Variants in DMBX1 observed in about 807,000 individuals in gnomAD.
DMBX1 encodes diencephalon/mesencephalon homeobox 1.
In DMBX1, 7 loss-of-function variants were observed where a neutral mutation model predicts 30.4. That is an observed-to-expected ratio of 0.23 (90% CI 0.13 to 0.43). DMBX1 has a LOEUF of 0.43. DMBX1 is among the 20% of genes least tolerant of loss of function. The pLI, the probability that DMBX1 is intolerant of heterozygous loss-of-function variation, is 1.00. For synonymous variants in DMBX1, 222 were observed against 214.2 expected, an observed-to-expected ratio of 1.04 and a Z score of -0.32; for missense variants, 460 against 508.5, an observed-to-expected ratio of 0.90 and a Z score of 0.92.
intron 1 of DMBX1, among the ~76,000 whole-genome samples, 145 bp downstream of exon 1, chr1:46,490,022 GCAGGGAGCCAGGGACTAGGAGA>G (rs1665900633): frequency 6.6e-6 from 1 of 152,216 alleles, no homozygotes; most frequent in Admixed American, 6.5e-5. Flanking sequence ...CAGAAAGTTT[GCAGGGAGCCAGGGACTAGGAGA>G]CAGACAGACA....
intron 1 of DMBX1, among the ~76,000 whole-genome samples, chr1:46,490,177 T>G (rs1289560456): frequency 6.6e-6 from 1 of 151,644 alleles, no homozygotes; most frequent in Non-Finnish European, 1.5e-5. Context: ...AGTGAGCAAC[T>G]TAGGGAGACA....
chr1:46,510,967 G>T lies in DMBX1; in HGVS notation c.366G>T (p.Arg122=), dbSNP rs1666354936. ...TCAAGAACCGCCGGGCCAAGTTCCG[G>T]AAGAAGCAGCGTAGCCTGCAGAAGG... ...VWFKNRRAKF[R]KKQRSLQKEQ... Residue 122 remains arginine (R), a synonymous_variant, in exon 5 of 6, where the codon CGG becomes CGT. Coordinates refer to ENST00000360032, the MANE Select transcript of DMBX1 (RefSeq NM_172225.2). This position sits in a 1 kb window ranked among gnomAD's most constrained non-coding sequence, Gnocchi z 4.1. 2 of 1,610,188 alleles carry T rather than the reference G, an allele frequency of 1.2e-6. No individual in the cohort carries two copies. Among genetic ancestry groups the T allele is most frequent in the African/African-American group, 2.7e-5 (2 of 74,816 alleles).
rs1019422287 is a variant in DMBX1, at chr1:46,515,803, G to T, written c.*3309G>T. The stretch of plus-strand genomic sequence containing the variant: ...GGCCAACCTGGGCCTGAAAGCCAGA[G>T]GCTCAAGCTCTGACTGTCCCTTCCA... On this transcript the variant is annotated 3_prime_UTR_variant, in exon 6 of 6. Coordinates refer to ENST00000360032, the MANE Select transcript of DMBX1 (RefSeq NM_172225.2). 1.3e-5 allele frequency among the ~76,000 whole-genome samples: 2 copies of T among 152,256 alleles called. No individual in the cohort carries two copies. Among genetic ancestry groups the T allele is most frequent in the Non-Finnish European group, 2.9e-5 (2 of 68,040 alleles).
Position 46,502,820 on chromosome 1 carries a change from C to T in DMBX1, c.-12-4179C>T, listed in dbSNP as rs904157227. The stretch of plus-strand genomic sequence containing the variant: ...GCCTGAGCCCCAGAGATTGAGGCTA[C>T]GGTGAGTCAAGATTGCACCACTGCA... On this transcript the variant is annotated intron_variant, in intron 2 of 5. Transcript: ENST00000360032. 3.9e-5 allele frequency among the ~76,000 whole-genome samples: 6 copies of T among 152,250 alleles called. No homozygotes were observed. The South Asian group carries it at 6.2e-4, about 16-fold the overall frequency.
intron 2 of DMBX1, among the ~76,000 whole-genome samples, chr1:46,494,344 C>T (rs1189294285): frequency 6.6e-6 from 1 of 152,212 alleles, no homozygotes; most frequent in Non-Finnish European, 1.5e-5. Flanking sequence ...CGCCTGATTT[C>T]TCTGCACCCC....
At position 46,511,591 on chromosome 1, in the gene DMBX1, G is replaced by A. The variant is rs143082777; in HGVS notation, c.682+308G>A. On this transcript the variant is annotated intron_variant, in intron 5 of 5. Transcript: ENST00000360032. ...TTGGATGTCCCAGTGCATACTGGGC[G>A]AATACTGTATTAGTACCAGAGATTC... 4.5e-4 allele frequency among the ~76,000 whole-genome samples: 68 copies of A among 152,292 alleles called. 1 individual carries two copies. The highest frequency in any genetic ancestry group is 1.4e-3 in the African/African-American group (57 of 41,554).
chr1:46,500,576 A>G (rs1666106610), intron 2 of DMBX1, among the ~76,000 whole-genome samples: 1 of 151,130 alleles, frequency 6.6e-6, no homozygotes, highest in Non-Finnish European at 1.5e-5. Flanking sequence ...AGAAAGAAAG[A>G]AATAATATAA....
chr1:46,489,907 C>T (rs1327784321), intron 1 of DMBX1, among the ~76,000 whole-genome samples, 30 bp downstream of exon 1: 1 of 151,918 alleles, frequency 6.6e-6, no homozygotes, highest in Non-Finnish European at 1.5e-5. Flanking sequence ...GCGGGCCGAG[C>T]CGGGAGTAGT....
rs1368109959 is a variant in DMBX1, at chr1:46,513,854, C to G, written c.*1360C>G. The G allele has an allele frequency of 6.6e-6, 1 of 152,288 alleles. No homozygotes were observed. Among genetic ancestry groups the G allele is most frequent in the East Asian group, 1.9e-4 (1 of 5,204 alleles). 9.4% of individuals were successfully genotyped at this position (152,288 alleles called of 1,614,324 possible). A position where few individuals can be genotyped will look rare whatever the true frequency, so the allele number is the denominator to read the frequency against. On this transcript the variant is annotated 3_prime_UTR_variant, in exon 6 of 6. Transcript: ENST00000360032. ...CAATTATGGAAGTAAGGGCTTCCCT[C>G]CAGCTAGTCACTGGAATGGAAAAGT...
chr1:46,494,633 T>A (rs896942867), intron 2 of DMBX1, among the ~76,000 whole-genome samples: 4 of 152,080 alleles, frequency 2.6e-5, no homozygotes, highest in Admixed American at 2.6e-4. Flanking sequence ...TGGGCCCCCA[T>A]CCCTGAGCCA....
rs755755483 is a variant in DMBX1, at chr1:46,515,909, G to T, written c.*3415G>T. Among the ~76,000 whole-genome samples, 14 of 152,172 alleles carry T rather than the reference G, an allele frequency of 9.2e-5. No homozygotes were observed. Among genetic ancestry groups the T allele is most frequent in the Non-Finnish European group, 1.6e-4 (11 of 68,030 alleles). ...CTCACTCCCTCAGAGCATGGTCCAG[G>T]GGCCCGGATCCCAACCCCAACTCCA... is the stretch of plus-strand genomic sequence containing the variant. On this transcript the variant is annotated 3_prime_UTR_variant, in exon 6 of 6. Transcript: ENST00000360032.
Position 46,510,699 on chromosome 1 carries a change from C to A in DMBX1, c.333+45C>A. 1 of 1,586,604 alleles carries A rather than the reference C, an allele frequency of 6.3e-7. No individual in the cohort carries two copies. Among genetic ancestry groups the A allele is most frequent in the South Asian group, 1.1e-5 (1 of 88,174 alleles). Reference sequence around the variant, plus strand: ...ACTAGGCCTTGCAGACAAACACCAGCCCATCAGTCTGCCCGCTTGTCCAGG... The same window carrying A: ...ACTAGGCCTTGCAGACAAACACCAGACCATCAGTCTGCCCGCTTGTCCAGG... On this transcript the variant is annotated intron_variant, in intron 4 of 5. Transcript: ENST00000360032. This position sits in a 1 kb window ranked among gnomAD's most constrained non-coding sequence, Gnocchi z 4.1.
At chr1:46,506,864 C>T (rs1666244789) in intron 2 of DMBX1, 135 bp from the exon 3 acceptor site, 4 of 956,638 alleles carry the variant, frequency 4.2e-6, no homozygotes, top group East Asian at 5.2e-5. Context: ...ACGGGCAAGA[C>T]AGGCTCCCTT....
At chr1:46,511,788 C>T (rs1353997094) in intron 5 of DMBX1, among the ~76,000 whole-genome samples, 1 of 152,080 alleles carries the variant, frequency 6.6e-6, no homozygotes, top group East Asian at 1.9e-4. Flanking sequence ...AAGTTTACAG[C>T]CCTTGAAAAG....
rs143983496 is a variant in DMBX1, at chr1:46,507,069, T to A, written c.59T>A (p.Met20Lys). 2.5e-6 allele frequency: 4 copies of A among 1,614,088 alleles called. No homozygotes were observed. The African/African-American group carries it at 4.0e-5, about 16-fold the overall frequency. The change falls in exon 3 of 6, where the codon ATG becomes AAG. Residue 20 changes from methionine (M) to lysine (K), a missense_variant. Physicochemically the swap from Met to Lys is moderately conservative, Grantham distance 95 (BLOSUM62 -1). Coordinates refer to ENST00000360032, the MANE Select transcript of DMBX1 (RefSeq NM_172225.2). The part of the protein sequence containing the change: ...SLHAMNSLSA[M>K]YNLHQQAAQQ... ...CACGCCATGAACTCACTCAGCGCCA[T>A]GTACAACCTGCACCAGCAGGCAGCC...
chr1:46,498,760 CACATGG>C (rs1319952126), intron 2 of DMBX1, among the ~76,000 whole-genome samples: 1 of 152,216 alleles, frequency 6.6e-6, no homozygotes, highest in Non-Finnish European at 1.5e-5. Flanking sequence ...CACATGGCCG[CACATGG>C]ACACTGAGGT....
intron 2 of DMBX1, among the ~76,000 whole-genome samples, chr1:46,497,305 A>C (rs1197393228): frequency 6.6e-6 from 1 of 152,180 alleles, no homozygotes; most frequent in Non-Finnish European, 1.5e-5. Flanking sequence ...AGAATGAGTG[A>C]AACAAGACTT....
In DMBX1 at chr1:46,510,669, T is replaced by C; in HGVS notation, c.333+15T>C. The C allele has an allele frequency of 1.2e-6, 2 of 1,610,584 alleles. No individual in the cohort carries two copies. Among genetic ancestry groups the C allele is most frequent in the Non-Finnish European group, 1.7e-6 (2 of 1,178,290 alleles). Reference sequence around the variant, plus strand: ...CCCGGGTGCAGGTAGGGCCCAACTCTCCTAACTAGGCCTTGCAGACAAACA... The same window carrying C: ...CCCGGGTGCAGGTAGGGCCCAACTCCCCTAACTAGGCCTTGCAGACAAACA... On this transcript the variant is annotated intron_variant, in intron 4 of 5. Transcript: ENST00000360032. The surrounding 1 kb of genome is among the most constrained non-coding windows in gnomAD (Gnocchi z 4.1).
At chr1:46,511,357 T>G in intron 5 of DMBX1, 74 bp downstream of exon 5, 1 of 1,387,898 alleles carries the variant, frequency 7.2e-7, no homozygotes, top group East Asian at 2.5e-5. Context: ...CAGAGGCGAG[T>G]AATCAACTGC....
Sources: allele counts gnomAD v4.1 joint callset (sites outside exome capture counted in the v4.1 genomes callset), GRCh38; gene constraint gnomAD v4.1.1; non-coding constraint Gnocchi (gnomAD v3.1); transcripts MANE v1.5; gene names NCBI Gene and HGNC (gene_info 2026-07-23, HGNC 2026-07-21).